The following IGLON5 variants were observed in gnomAD, a reference collection of about 807,000 sequenced individuals.
The protein encoded by IGLON5 is Ig-like domain-containing protein ENSP00000270642.
In IGLON5, 16 loss-of-function variants were observed where a neutral mutation model predicts 38.2. The observed-to-expected ratio is 0.42, with a 90% CI of 0.28 to 0.64. The LOEUF is 0.64. IGLON5 is among the 30% of genes least tolerant of loss of function. The probability of loss-of-function intolerance (pLI) is 0.23; values close to 1 mark genes in which losing one functional copy is unlikely to be tolerated. For synonymous variants in IGLON5, 207 were observed against 216.4 expected (o/e 0.96, Z 0.38); for missense variants, 366 against 483.4 (o/e 0.76, Z 2.28).
chr19:51,325,412 T>A lies in IGLON5; in HGVS notation c.458T>A (p.Leu153His), dbSNP rs1985190772. 1 of 1,613,700 alleles carries A rather than the reference T, an allele frequency of 6.2e-7. No homozygotes were observed. The highest frequency in any genetic ancestry group is 8.5e-7 in the Non-Finnish European group (1 of 1,179,804). ...AATGAGGGGGGCAATGTGAACCTGCTTTGCCTGGCCGTGGGGCGGCCAGAG... is the reference window on the plus strand; with the variant it reads ...AATGAGGGGGGCAATGTGAACCTGCATTGCCTGGCCGTGGGGCGGCCAGAG... ...TVNEGGNVNL[L>H]CLAVGRPEPT... The change falls in exon 4 of 8, where the codon CTT becomes CAT. Residue 153 changes from leucine (L) to histidine (H), a missense_variant. Transcript: ENST00000270642. This position sits in a 1 kb window ranked among gnomAD's most constrained non-coding sequence, Gnocchi z 5.5.
At chr19:51,315,278 G>T (rs972047916) in intron 1 of IGLON5, among the ~76,000 whole-genome samples, 1 of 150,240 alleles carries the variant, frequency 6.7e-6, no homozygotes, top group African/African-American at 2.5e-5. Context: ...ATGGTCAGGA[G>T]GGGGCAGGAG....
Position 51,327,725 on chromosome 19 carries a change from C to G in IGLON5, c.768-7C>G, listed in dbSNP as rs1264727217. On this transcript the variant is annotated splice_region_variant and splice_polypyrimidine_tract_variant and intron_variant, in intron 6 of 7. Coordinates refer to ENST00000270642, the MANE Select transcript of IGLON5 (RefSeq NM_001101372.3). The surrounding 1 kb of genome is among the most constrained non-coding windows in gnomAD (Gnocchi z 7.1). Reference sequence around the variant, plus strand: ...GCGGCCCGGCCCCTGACCCGGATCCCTGGCAGGCTGAGCAGCGGCACGGCC... The same window carrying G: ...GCGGCCCGGCCCCTGACCCGGATCCGTGGCAGGCTGAGCAGCGGCACGGCC... 8 of 1,565,464 alleles carry G rather than the reference C, an allele frequency of 5.1e-6. No individual in the cohort carries two copies. Among genetic ancestry groups the G allele is most frequent in the Non-Finnish European group, 6.0e-6 (7 of 1,159,810 alleles).
rs777644550 is a variant in IGLON5 at position 51,311,850 on chromosome 19, G to GC, written c.11dup (p.Ala5CysfsTer42). The GC allele has an allele frequency of 1.3e-4, 167 of 1,257,398 alleles. No homozygotes were observed. Among genetic ancestry groups the GC allele is most frequent in the South Asian group, 2.9e-4 (13 of 44,830 alleles). 77.9% of individuals were successfully genotyped at this position (1,257,398 alleles called of 1,614,324 possible). ...CCCTCCGCGCCGCCTCTGCCGCGAT[G>GC]CCCCCCCCTGCGCCCGGGGCCCGGC... On this transcript the variant is annotated frameshift_variant, in exon 1 of 8. Transcript: ENST00000270642. LOFTEE classifies it high-confidence loss of function.
At position 51,327,652 on chromosome 19, in the gene IGLON5, G is replaced by T; in HGVS notation, c.768-80G>T. ...GTAGGGGGCAGAATGCTGGGTCACC[G>T]GGGAACGGAGGAGCCTGAGAGTCGG... On this transcript the variant is annotated intron_variant, in intron 6 of 7. Coordinates refer to ENST00000270642, the MANE Select transcript of IGLON5 (RefSeq NM_001101372.3). The surrounding 1 kb of genome is among the most constrained non-coding windows in gnomAD (Gnocchi z 7.1). 2 of 1,523,822 alleles carry T rather than the reference G, an allele frequency of 1.3e-6. No individual in the cohort carries two copies. The highest frequency in any genetic ancestry group is 8.8e-7 in the Non-Finnish European group (1 of 1,140,230). The allele number at this position is 1,523,822 out of a possible 1,614,324, so 94.4% of individuals were successfully genotyped here.
Position 51,322,093 on chromosome 19 carries a change from T to A in IGLON5, c.109T>A (p.Ser37Thr). 6.2e-7 allele frequency: 1 copy of A among 1,613,096 alleles called. No individual in the cohort carries two copies. Among genetic ancestry groups the A allele is most frequent in the South Asian group, 1.1e-5 (1 of 91,046 alleles). ...GCTCTCCCAGAGCCTGGAGTTCAAC[T>A]CTCCTGCCGACAACTACACAGTGTG... ...GLLSQSLEFN[S>T]PADNYTVCEG... Residue 37 changes from serine to threonine, a missense_variant, in exon 2 of 8, where the codon TCT (serine) becomes ACT (threonine). Physicochemically the swap from Ser to Thr is moderately conservative, Grantham distance 58. Transcript: ENST00000270642.
At chr19:51,312,033 G>A (rs944332068) in intron 1 of IGLON5, 107 bp downstream of exon 1, 26 of 559,286 alleles carry the variant, frequency 4.6e-5, no homozygotes, top group Middle Eastern at 6.1e-4. Context: ...GGGCCGGCGC[G>A]GGGAGGCCCC....
intron 5 of IGLON5, 52 bp downstream of exon 5, chr19:51,326,950 G>A (rs1985231897): frequency 1.3e-6 from 2 of 1,572,662 alleles, no homozygotes; most frequent in African/African-American, 1.4e-5. Context: ...CCGAGTCCCT[G>A]GGGAGGAGGG....
chr19:51,311,854 C>A lies in IGLON5; in HGVS notation c.7C>A (p.Pro3Thr), dbSNP rs576949224. Residue 3 changes from proline to threonine, a missense_variant, in exon 1 of 8, where the codon CCC (proline) becomes ACC (threonine). Transcript: ENST00000270642. ...CCGCGCCGCCTCTGCCGCGATGCCC[C>A]CCCCTGCGCCCGGGGCCCGGCTCCG... MP[P>T]PAPGARLRLL... is the part of the protein sequence containing the mutation. 19 of 1,306,654 alleles carry A rather than the reference C, an allele frequency of 1.5e-5. No homozygotes were observed. The highest frequency in any genetic ancestry group is 9.3e-5 in the African/African-American group (6 of 64,492). The allele number at this position is 1,306,654 out of a possible 1,614,324, so 80.9% of individuals were successfully genotyped here.
Position 51,330,676 on chromosome 19 carries a change from C to T in IGLON5, c.*1917C>T, listed in dbSNP as rs954374802. Among the ~76,000 whole-genome samples, 4 of 152,132 alleles carry T rather than the reference C, an allele frequency of 2.6e-5. No individual in the cohort carries two copies. Among genetic ancestry groups the T allele is most frequent in the African/African-American group, 9.7e-5 (4 of 41,416 alleles). ...TCAACATCTGTAGGGTTGCTTTTCTCCATCACATGGAGAGATCTTGGCTCT... is the reference window on the plus strand; with the variant it reads ...TCAACATCTGTAGGGTTGCTTTTCTTCATCACATGGAGAGATCTTGGCTCT... On this transcript the variant is annotated 3_prime_UTR_variant, in exon 8 of 8. Coordinates refer to ENST00000270642, the MANE Select transcript of IGLON5 (RefSeq NM_001101372.3).
At chr19:51,313,797 C>G (rs529494893) in intron 1 of IGLON5, among the ~76,000 whole-genome samples, 1 of 151,718 alleles carries the variant, frequency 6.6e-6, no homozygotes, top group South Asian at 2.1e-4. Context: ...ACACAGCTCA[C>G]TGCAGCCTCA....
intron 1 of IGLON5, among the ~76,000 whole-genome samples, chr19:51,315,035 G>A (rs1984883379): frequency 1.3e-5 from 2 of 152,020 alleles, no homozygotes; most frequent in African/African-American, 4.8e-5. Context: ...TCTGCAATCG[G>A]CCTTTTCCCA....
chr19:51,325,290 G>A lies in IGLON5; in HGVS notation c.392-56G>A. ...TGGACTCCTGGGTCTGAAGGAGGAA[G>A]GGCTGGGGGCCTGGATTCCTGGGCA... is the stretch of plus-strand genomic sequence containing the variant. On this transcript the variant is annotated intron_variant, in intron 3 of 7. Coordinates refer to ENST00000270642, the MANE Select transcript of IGLON5 (RefSeq NM_001101372.3). This position sits in a 1 kb window ranked among gnomAD's most constrained non-coding sequence, Gnocchi z 5.5. The A allele has an allele frequency of 6.3e-7, 1 of 1,587,136 alleles. No homozygotes were observed. Among genetic ancestry groups the A allele is most frequent in the Non-Finnish European group, 8.6e-7 (1 of 1,167,304 alleles).
rs1389936627 is a variant in IGLON5 at position 51,323,719 on chromosome 19, G to A, written c.216G>A (p.Leu72=). 2.5e-6 allele frequency: 4 copies of A among 1,613,956 alleles called. No individual in the cohort carries two copies. Among genetic ancestry groups the A allele is most frequent in the Non-Finnish European group, 3.4e-6 (4 of 1,179,890 alleles). The change falls in exon 3 of 8, where the codon CTG becomes CTA. Residue 72 remains leucine, a synonymous_variant. Transcript: ENST00000270642. ...RVAWLNRSNI[L]YAGNDRWTSD... The stretch of plus-strand genomic sequence containing the variant: ...CCTGGCTGAACCGCTCCAACATCCT[G>A]TATGCCGGCAATGACCGCTGGACCA...
intron 1 of IGLON5, among the ~76,000 whole-genome samples, chr19:51,319,377 C>T (rs1985000947): frequency 6.6e-6 from 1 of 151,708 alleles, no homozygotes; most frequent in Non-Finnish European, 1.5e-5. Context: ...ACCTGATTCT[C>T]GGCCCAGCGT....
chr19:51,321,942 G>A (rs939684488), intron 1 of IGLON5, 122 bp from the exon 2 acceptor site: 1 of 790,676 alleles, frequency 1.3e-6, no homozygotes, highest in African/African-American at 1.7e-5. Flanking sequence ...GTGCATGTGT[G>A]TGGCAGCGGG....
intron 4 of IGLON5, among the ~76,000 whole-genome samples, chr19:51,326,044 C>T (rs967748642): frequency 3.9e-5 from 6 of 152,108 alleles, no homozygotes; most frequent in African/African-American, 1.4e-4. Context: ...CCAGAGTGCC[C>T]ATATATGACA....
intron 1 of IGLON5, among the ~76,000 whole-genome samples, chr19:51,318,102 G>T (rs568146819): frequency 2.0e-5 from 3 of 152,324 alleles, no homozygotes; most frequent in African/African-American, 7.2e-5. Context: ...CCCAGAAGAA[G>T]GAGTGGGAGC....
At chr19:51,326,465 C>T (rs1985217245) in intron 4 of IGLON5, among the ~76,000 whole-genome samples, 1 of 152,182 alleles carries the variant, frequency 6.6e-6, no homozygotes, top group African/African-American at 2.4e-5. Context: ...GGGTCCTCCC[C>T]ACGGAGCTCC....
chr19:51,311,977 G>T, intron 1 of IGLON5, 51 bp downstream of exon 1: 1 of 1,072,084 alleles, frequency 9.3e-7, no homozygotes. Flanking sequence ...AGGGTCTTGG[G>T]TGGGTAATCG....
Sources: gnomAD v4.1 joint callset for allele counts (sites outside exome capture counted in the v4.1 genomes callset) on GRCh38, gnomAD v4.1.1 for gene constraint, Gnocchi (gnomAD v3.1) non-coding constraint, MANE v1.5 for transcripts, NCBI Gene and HGNC (gene_info 2026-07-23, HGNC 2026-07-21) for gene names.